Variants in TRIP4 observed in about 807,000 individuals in gnomAD.
The protein encoded by TRIP4 is activating signal cointegrator 1.
Under a neutral mutation model 81.8 loss-of-function variants are expected in TRIP4, and 54 were observed. The ratio of observed to expected loss-of-function variants is 0.66; its 90% CI spans 0.53 to 0.83. The LOEUF (loss-of-function observed/expected upper bound fraction) is 0.83. Among genes scored for constraint, TRIP4 ranks in the 40% least tolerant of loss-of-function variants. The pLI is 0.00. For missense variants in TRIP4, 662 were observed against 683.6 expected (o/e 0.97, Z 0.35); for synonymous variants, 270 against 242.8 (o/e 1.11, Z -1.04).
At chr15:64,417,319 T>A (rs745958669) in intron 8 of TRIP4, among the ~76,000 whole-genome samples, 8 of 152,042 alleles carry the variant, frequency 5.3e-5, no homozygotes, top group African/African-American at 1.9e-4. Flanking sequence ...GCCCTTATTA[T>A]TATTTTTAAA....
intron 11 of TRIP4, chr15:64,444,545 A>T (rs1191382351): frequency 1.3e-5 from 2 of 152,180 alleles, no homozygotes; most frequent in African/African-American, 4.8e-5. Context: ...CCTTCCCTTT[A>T]GCTAGAGAAG....
chr15:64,405,565 G>A (rs1290614008), intron 5 of TRIP4, among the ~76,000 whole-genome samples: 1 of 152,156 alleles, frequency 6.6e-6, no homozygotes, highest in African/African-American at 2.4e-5. Context: ...GGGTTATTGC[G>A]AAAATTAAAT....
chr15:64,423,409 G>T (rs1892061886), intron 9 of TRIP4, among the ~76,000 whole-genome samples: 1 of 139,206 alleles, frequency 7.2e-6, no homozygotes, highest in African/African-American at 2.7e-5. Context: ...GTTGCAGTGA[G>T]CCGAGGTCGC....
chr15:64,396,494 G>C (rs993663904), intron 3 of TRIP4, among the ~76,000 whole-genome samples: 1 of 152,002 alleles, frequency 6.6e-6, no homozygotes, highest in Non-Finnish European at 1.5e-5. Flanking sequence ...GGCCAGGCTG[G>C]TCTTGAACTC....
intron 8 of TRIP4, 85 bp from the exon 9 acceptor site, chr15:64,418,456 C>T (rs2140297301): frequency 7.4e-7 from 1 of 1,350,582 alleles, no homozygotes; most frequent in African/African-American, 1.5e-5. Context: ...ATGATTTCCT[C>T]ATTATTAGCA....
Position 64,425,560 on chromosome 15 carries a change from T to C in TRIP4, c.1504T>C (p.Tyr502His). 1 of 1,611,908 alleles carries C rather than the reference T, an allele frequency of 6.2e-7. No individual in the cohort carries two copies. The highest frequency in any genetic ancestry group is 8.5e-7 in the Non-Finnish European group (1 of 1,179,328). ...TTCAGATGTGGAATTTCCTAATGAC[T>C]ATCCGTCAGGTTGTCTTCTGGGCTG... ...RGKDVEFPND[Y>H]PSGCLLGCVD... The change falls in exon 11 of 13, where the codon TAT (tyrosine) becomes CAT (histidine). Residue 502 changes from tyrosine (Y) to histidine (H), a missense_variant. Coordinates refer to ENST00000261884, the MANE Select transcript of TRIP4 (RefSeq NM_016213.5).
chr15:64,455,194 ACT>A lies in TRIP4; in HGVS notation c.*133_*134del. ...CAGGCTTGAATATCTCAGAACTTAA[ACT>A]CTTACCAAAATCTGTATATTTTTCT... On this transcript the variant is annotated 3_prime_UTR_variant, in exon 13 of 13. Coordinates refer to ENST00000261884, the MANE Select transcript of TRIP4 (RefSeq NM_016213.5). 1 of 662,146 alleles carries A rather than the reference ACT, an allele frequency of 1.5e-6. No individual in the cohort carries two copies. The highest frequency in any genetic ancestry group is 3.0e-5 in the East Asian group (1 of 33,528). 41.0% of individuals were successfully genotyped at this position (662,146 alleles called of 1,614,324 possible).
At chr15:64,444,938 T>G in intron 11 of TRIP4, 68 bp from the exon 12 acceptor site, 2 of 804,020 alleles carry the variant, frequency 2.5e-6, no homozygotes, top group East Asian at 2.5e-5. Context: ...ATCTGGGACA[T>G]CTTCTGTTCT....
intron 1 of TRIP4, 171 bp from the exon 2 acceptor site, chr15:64,393,775 T>TA: frequency 4.1e-6 from 2 of 482,268 alleles, no homozygotes; most frequent in Non-Finnish European, 6.8e-6. Flanking sequence ...ATGTATACAT[T>TA]CATACCAGTT....
chr15:64,443,319 A>G (rs1462844157), intron 11 of TRIP4, among the ~76,000 whole-genome samples: 2 of 152,228 alleles, frequency 1.3e-5, no homozygotes, highest in Non-Finnish European at 2.9e-5. Flanking sequence ...AACTATTGAC[A>G]TGGAAGAAGG....
At chr15:64,434,756 T>C (rs565137440) in intron 11 of TRIP4, among the ~76,000 whole-genome samples, 30 of 152,198 alleles carry the variant, frequency 2.0e-4, no homozygotes, top group Non-Finnish European at 3.8e-4. Flanking sequence ...TTACTGGATA[T>C]GATGCCTTCA....
rs1242126718 is a variant in TRIP4, at chr15:64,454,132, T to C, written c.1679-865T>C. On this transcript the variant is annotated intron_variant, in intron 12 of 12. Transcript: ENST00000261884. Reference sequence around the variant, plus strand: ...GACTCCTTGTTTTTTTTTTTTGTTTTCTTTTTTTTTTTTAGTGCTGAGACT... The same window carrying C: ...GACTCCTTGTTTTTTTTTTTTGTTTCCTTTTTTTTTTTTAGTGCTGAGACT... Among the ~76,000 whole-genome samples the C allele has an allele frequency of 4.6e-5, 7 of 151,860 alleles. No homozygotes were observed. In the South Asian group the frequency reaches 1.2e-3, roughly 27 times the overall value.
In TRIP4 at chr15:64,438,788, T is replaced by C. The variant is rs115148536; in HGVS notation, c.1576-6218T>C. On this transcript the variant is annotated intron_variant, in intron 11 of 12. Coordinates refer to ENST00000261884, the MANE Select transcript of TRIP4 (RefSeq NM_016213.5). ...GTTCTTTTATGTGGAGGTTCTAGCATACGATTCCACAGGGCACAGGAAACC... is the reference window on the plus strand; with the variant it reads ...GTTCTTTTATGTGGAGGTTCTAGCACACGATTCCACAGGGCACAGGAAACC... 2.4e-3 allele frequency among the ~76,000 whole-genome samples: 367 copies of C among 152,328 alleles called. 2 individuals are homozygous for C. Among genetic ancestry groups the C allele is most frequent in the African/African-American group, 8.5e-3 (354 of 41,564 alleles).
intron 3 of TRIP4, among the ~76,000 whole-genome samples, chr15:64,396,540 A>C (rs1900301116): frequency 6.6e-6 from 1 of 152,110 alleles, no homozygotes; most frequent in African/African-American, 2.4e-5. Flanking sequence ...TGGCTTCTCA[A>C]AGTGCTGGGA....
intron 7 of TRIP4, among the ~76,000 whole-genome samples, chr15:64,411,216 G>A (rs1328662017): frequency 6.6e-6 from 1 of 152,182 alleles, no homozygotes; most frequent in Non-Finnish European, 1.5e-5. Context: ...TACTCTGTAT[G>A]TAGTTATAAT....
chr15:64,427,052 G>A (rs946611116), intron 11 of TRIP4, among the ~76,000 whole-genome samples: 1 of 152,044 alleles, frequency 6.6e-6, no homozygotes, highest in African/African-American at 2.4e-5. Flanking sequence ...ACATTTTTGA[G>A]CAGCAGAGGG....
At chr15:64,453,978 G>C (rs1892827571) in intron 12 of TRIP4, among the ~76,000 whole-genome samples, 1 of 152,142 alleles carries the variant, frequency 6.6e-6, no homozygotes, top group Admixed American at 6.5e-5. Context: ...ACTAGAACCT[G>C]GGTCTTCTGA....
rs367621867 is a variant in TRIP4, at chr15:64,425,565, G to C, written c.1509G>C (p.Pro503=). 1 of 1,611,830 alleles carries C rather than the reference G, an allele frequency of 6.2e-7. No homozygotes were observed. The highest frequency in any genetic ancestry group is 1.3e-5 in the African/African-American group (1 of 74,784). The part of the protein sequence containing the change: ...GKDVEFPNDY[P]SGCLLGCVDL... ...ATGTGGAATTTCCTAATGACTATCC[G>C]TCAGGTTGTCTTCTGGGCTGTGTGG... Residue 503 remains proline, a synonymous_variant, in exon 11 of 13, where the codon CCG becomes CCC. Transcript: ENST00000261884.
chr15:64,432,775 G>T (rs188169554), intron 11 of TRIP4, among the ~76,000 whole-genome samples: 2 of 151,782 alleles, frequency 1.3e-5, no homozygotes, highest in African/African-American at 4.8e-5. Context: ...GCTGGGCGTC[G>T]TGGCATGCGC....
Sources: allele counts gnomAD v4.1 joint callset (sites outside exome capture counted in the v4.1 genomes callset), GRCh38; gene constraint gnomAD v4.1.1; transcripts MANE v1.5; gene names NCBI Gene and HGNC (gene_info 2026-07-23, HGNC 2026-07-21).